ITSN1: variants seen among roughly 807,000 people sequenced by gnomAD.
The protein encoded by ITSN1 is intersectin 1.
A neutral mutation model predicts 239.8 loss-of-function variants in ITSN1; 58 were observed. That is an observed-to-expected ratio of 0.24 (90% CI 0.20 to 0.30). ITSN1 has a LOEUF of 0.30. ITSN1 is among the 10% of genes least tolerant of loss of function. The pLI, the probability that ITSN1 is intolerant of heterozygous loss-of-function variation, is 1.00. For synonymous variants in ITSN1, 780 were observed against 770.8 expected, an observed-to-expected ratio of 1.01 and a Z score of -0.20; for missense variants, 1,558 against 2,103.3, an observed-to-expected ratio of 0.74 and a Z score of 5.07.
At chr21:33,645,558 C>G (rs1378111379) in intron 1 of ITSN1, among the ~76,000 whole-genome samples, 2 of 152,108 alleles carry the variant, frequency 1.3e-5, no homozygotes, top group African/African-American at 4.8e-5. Context: ...GTGGGAGGAT[C>G]TGGTTCGCTT....
At position 33,877,059 on chromosome 21, in the gene ITSN1, C is replaced by CTTTTTTTTTTTTTTTTTTTTTTTT. The variant is rs10529259; in HGVS notation, c.4341+1550_4341+1551insTTTTTTTTTTTTTTTTTTTTTTTT. 1.0e-3 allele frequency among the ~76,000 whole-genome samples: 107 copies of CTTTTTTTTTTTTTTTTTTTTTTTT among 106,362 alleles called. 32 individuals carry two copies. The highest frequency in any genetic ancestry group is 1.6e-3 in the East Asian group (5 of 3,186). 69.8% of individuals were successfully genotyped at this position (106,362 alleles called of 152,430 possible). On this transcript the variant is annotated intron_variant, in intron 34 of 39. Transcript: ENST00000381318. ...TCCTTAGAACTTTACCTGTGGGCAC[C>CTTTTTTTTTTTTTTTTTTTTTTTT]TTTTTTTTTTTTGAAATGGAGTCTC...
intron 14 of ITSN1, among the ~76,000 whole-genome samples, chr21:33,779,467 T>C (rs890637707): frequency 1.3e-5 from 2 of 152,208 alleles, no homozygotes; most frequent in African/African-American, 4.8e-5. Flanking sequence ...CAGCATATGC[T>C]CTGTCTTGGG....
At chr21:33,728,079 A>G (rs1443306702) in intron 4 of ITSN1, among the ~76,000 whole-genome samples, 1 of 150,486 alleles carries the variant, frequency 6.6e-6, no homozygotes, top group Non-Finnish European at 1.5e-5. Flanking sequence ...ATTCTTCTGC[A>G]TCAGCACCTT....
Position 33,668,741 on chromosome 21 carries a change from G to C in ITSN1, c.-33+26028G>C, listed in dbSNP as rs111440264. On this transcript the variant is annotated intron_variant, in intron 1 of 39. Transcript: ENST00000381318. ...TATCTGTAACTGTCCTTAACTCTCT[G>C]TGCATGGCAGCCCCAAACCTTCCCA... is the stretch of plus-strand genomic sequence containing the variant. Among the ~76,000 whole-genome samples the C allele has an allele frequency of 4.1e-3, 629 of 152,250 alleles. 8 individuals carry two copies. The highest frequency in any genetic ancestry group is 0.014 in the African/African-American group (600 of 41,548).
intron 20 of ITSN1, among the ~76,000 whole-genome samples, chr21:33,809,460 G>A (rs1161818614): frequency 6.6e-6 from 1 of 152,134 alleles, no homozygotes; most frequent in Admixed American, 6.5e-5. Flanking sequence ...CCAAACATTT[G>A]TTAATTCAAA....
At chr21:33,702,117 T>TAAACC in intron 1 of ITSN1, among the ~76,000 whole-genome samples, 2 of 148,532 alleles carry the variant, frequency 1.3e-5, no homozygotes, top group African/African-American at 4.9e-5. Context: ...TTTTTTTTTT[T>TAAACC]TTTTTTTTTT....
rs1480767358 is a variant in ITSN1 at position 33,894,906 on chromosome 21, A to G, written c.*6606A>G. 1 of 152,234 alleles carries G rather than the reference A, an allele frequency of 6.6e-6. No individual in the cohort carries two copies. The highest frequency in any genetic ancestry group is 1.5e-5 in the Non-Finnish European group (1 of 68,074). 9.4% of individuals were successfully genotyped at this position (152,234 alleles called of 1,614,324 possible). A position where few individuals can be genotyped will look rare whatever the true frequency, so the allele number is the denominator to read the frequency against. ...TGGAGGGTCTCCCTGTAGGAGGAGGAAACTCGCTGTTTTCACTGGCAGATT... is the reference window on the plus strand; with the variant it reads ...TGGAGGGTCTCCCTGTAGGAGGAGGGAACTCGCTGTTTTCACTGGCAGATT... On this transcript the variant is annotated 3_prime_UTR_variant, in exon 40 of 40. Transcript: ENST00000381318.
chr21:33,721,417 AT>A (rs986913948), intron 3 of ITSN1, 147 bp downstream of exon 3: 17 of 589,548 alleles, frequency 2.9e-5, no homozygotes, highest in Admixed American at 1.2e-4. Context: ...TCCTTTTACA[AT>A]TTTTTTACAC....
chr21:33,771,017 C>T (rs779937010), intron 11 of ITSN1, among the ~76,000 whole-genome samples: 1 of 152,082 alleles, frequency 6.6e-6, no homozygotes, highest in Non-Finnish European at 1.5e-5. Flanking sequence ...CTGCCCACCT[C>T]AGCCTCCCAA....
chr21:33,867,388 G>T, intron 33 of ITSN1, 57 bp downstream of exon 33: 1 of 959,352 alleles, frequency 1.0e-6, no homozygotes. Flanking sequence ...ATTGGAGAGG[G>T]CTGGGGTCAT....
Position 33,891,195 on chromosome 21 carries a change from G to T in ITSN1, c.*2895G>T, listed in dbSNP as rs935087684. On this transcript the variant is annotated 3_prime_UTR_variant, in exon 40 of 40. Coordinates refer to ENST00000381318, the MANE Select transcript of ITSN1 (RefSeq NM_003024.3). ...GAAGATGTGGCTCATTCGGATCCAG[G>T]CCTGGACTAATCTGGAAAGAGGGAC... 1 of 152,212 alleles carries T rather than the reference G, an allele frequency of 6.6e-6. No homozygotes were observed. Among genetic ancestry groups the T allele is most frequent in the Non-Finnish European group, 1.5e-5 (1 of 68,050 alleles). 9.4% of individuals were successfully genotyped at this position (152,212 alleles called of 1,614,324 possible). A position where few individuals can be genotyped will look rare whatever the true frequency, so the allele number is the denominator to read the frequency against.
intron 1 of ITSN1, among the ~76,000 whole-genome samples, chr21:33,679,977 C>T (rs562612362): frequency 1.3e-5 from 2 of 152,258 alleles, no homozygotes; most frequent in Admixed American, 6.5e-5. Context: ...GGATTACAGG[C>T]GTGAGACACC....
Position 33,886,393 on chromosome 21 carries a change from C to T in ITSN1, c.4950C>T (p.Phe1650=). Residue 1650 remains phenylalanine, a synonymous_variant, in exon 39 of 40, where the codon TTC becomes TTT. Transcript: ENST00000381318. ...NPKWNSNCQF[F]IRDLEQEVLC... ...AGTGGAATTCCAACTGCCAGTTCTT[C>T]ATCCGAGACCTGGAGCAGGAAGTCC... 1.2e-6 allele frequency: 2 copies of T among 1,613,506 alleles called. No individual in the cohort carries two copies. Among genetic ancestry groups the T allele is most frequent in the Non-Finnish European group, 1.7e-6 (2 of 1,179,738 alleles).
intron 7 of ITSN1, among the ~76,000 whole-genome samples, chr21:33,754,853 A>T (rs967430861): frequency 1.3e-5 from 2 of 152,220 alleles, no homozygotes; most frequent in African/African-American, 4.8e-5. Flanking sequence ...ATATTCACGT[A>T]TAGAAAGTTA....
chr21:33,696,317 T>G (rs373602181), intron 1 of ITSN1, among the ~76,000 whole-genome samples: 1 of 152,198 alleles, frequency 6.6e-6, no homozygotes, highest in African/African-American at 2.4e-5. Context: ...TATCTCCTGA[T>G]TGGGCAAATA....
chr21:33,852,788 A>T (rs1978569655), intron 29 of ITSN1, among the ~76,000 whole-genome samples: 1 of 152,188 alleles, frequency 6.6e-6, no homozygotes, highest in Non-Finnish European at 1.5e-5. Context: ...TGTTCATGGA[A>T]AACCATTTGA....
chr21:33,726,318 C>T (rs2065830059), intron 4 of ITSN1, among the ~76,000 whole-genome samples: 1 of 151,642 alleles, frequency 6.6e-6, no homozygotes, highest in Non-Finnish European at 1.5e-5. Flanking sequence ...AAAATTGCAA[C>T]TAATAATAGC....
intron 35 of ITSN1, 103 bp from the exon 36 acceptor site, chr21:33,883,447 G>T (rs778960127): frequency 6.7e-7 from 1 of 1,502,546 alleles, no homozygotes; most frequent in Non-Finnish European, 9.1e-7. Flanking sequence ...TTGCAGTCTC[G>T]TTTACTAGAA....
chr21:33,889,345 T>C lies in ITSN1; in HGVS notation c.*1045T>C, dbSNP rs1484274022. On this transcript the variant is annotated 3_prime_UTR_variant, in exon 40 of 40. Coordinates refer to ENST00000381318, the MANE Select transcript of ITSN1 (RefSeq NM_003024.3). ...TCAAGCTGGAGGTTGGGAAAGAAAA[T>C]GAAGGCAGTCCATTATGTGGTGGGT... The C allele has an allele frequency of 6.6e-6, 1 of 151,902 alleles. No homozygotes were observed. Among genetic ancestry groups the C allele is most frequent in the East Asian group, 1.9e-4 (1 of 5,190 alleles). The allele number at this position is 151,902 out of a possible 1,614,324, so 9.4% of individuals were successfully genotyped here.
Sources: allele counts gnomAD v4.1 joint callset (sites outside exome capture counted in the v4.1 genomes callset), GRCh38; gene constraint gnomAD v4.1.1; transcripts MANE v1.5; gene names NCBI Gene and HGNC (gene_info 2026-07-23, HGNC 2026-07-21).